The following NCALD variants were observed in gnomAD, a reference collection of about 807,000 sequenced individuals.
NCALD encodes the protein neurocalcin-delta.
Under a neutral mutation model 18.6 loss-of-function variants are expected in NCALD, and 10 were observed. The ratio of observed to expected loss-of-function variants is 0.54; its 90% CI spans 0.33 to 0.91. The LOEUF (loss-of-function observed/expected upper bound fraction) is 0.91, where lower values mean the gene tolerates loss of function less well. NCALD is among the 40% of genes least tolerant of loss of function. The probability of loss-of-function intolerance (pLI) is 0.03; values close to 1 mark genes in which losing one functional copy is unlikely to be tolerated. For missense variants in NCALD, 184 were observed against 247.6 expected (o/e 0.74, Z 1.72); for synonymous variants, 88 against 87.4 (o/e 1.01, Z -0.04).
At chr8:101,868,376 G>A (rs769726428) in intron 4 of NCALD, among the ~76,000 whole-genome samples, 4 of 152,188 alleles carry the variant, frequency 2.6e-5, no homozygotes, top group Non-Finnish European at 5.9e-5. Flanking sequence ...CTGAGCTGAA[G>A]CAGGAGAATA....
intron 1 of NCALD, among the ~76,000 whole-genome samples, chr8:102,109,151 G>A (rs946136146): frequency 6.6e-6 from 1 of 152,048 alleles, no homozygotes; most frequent in Non-Finnish European, 1.5e-5. Flanking sequence ...TATTCTCAGT[G>A]TAACTACCTA....
At position 102,059,537 on chromosome 8, in the gene NCALD, A is replaced by C. The variant is rs369514851; in HGVS notation, c.-209-39248T>G. On this transcript the variant is annotated intron_variant, in intron 1 of 6. Transcript: ENST00000311028. ...CTGAAAGACGTCAAGGCAAACATGA[A>C]CAAAATCAGGCTATAAACATGTAAA... Among the ~76,000 whole-genome samples the C allele has an allele frequency of 3.9e-4, 60 of 152,370 alleles. 2 individuals carry two copies. The South Asian group carries it at 0.011, about 29-fold the overall frequency.
At chr8:102,076,065 T>C (rs781314423) in intron 1 of NCALD, among the ~76,000 whole-genome samples, 5 of 152,094 alleles carry the variant, frequency 3.3e-5, no homozygotes, top group Non-Finnish European at 7.4e-5. Flanking sequence ...AAAACTATTA[T>C]GAAATATTAT....
intron 4 of NCALD, among the ~76,000 whole-genome samples, chr8:101,808,160 AGTG>A (rs1006556005): frequency 2.0e-5 from 3 of 152,196 alleles, no homozygotes; most frequent in Non-Finnish European, 2.9e-5. Context: ...AAGATACCTT[AGTG>A]GTCACCCAGT....
chr8:101,819,059 C>G (rs1813613005), intron 4 of NCALD, among the ~76,000 whole-genome samples: 1 of 152,010 alleles, frequency 6.6e-6, no homozygotes, highest in Admixed American at 6.6e-5. Flanking sequence ...TTTCTTCCTT[C>G]AAGTTTCTTC....
rs71268530 is a variant in NCALD, at chr8:101,801,643, C to CTTTT, written c.-19-81999_-19-81996dup. 5.6e-3 allele frequency among the ~76,000 whole-genome samples: 246 copies of CTTTT among 44,156 alleles called. 80 individuals are homozygous for CTTTT. Among genetic ancestry groups the CTTTT allele is most frequent in the East Asian group, 0.012 (13 of 1,084 alleles). The allele number at this position is 44,156 out of a possible 152,430, so 29.0% of individuals were successfully genotyped here. ...TCTCTATGATTTACAAGCACACTTA[C>CTTTT]TTTTTTTTTTTTTTTTTTTTTTTTT... On this transcript the variant is annotated intron_variant, in intron 4 of 6. Transcript: ENST00000311028.
intron 1 of NCALD, among the ~76,000 whole-genome samples, chr8:102,059,717 TTAGG>T (rs1204307914): frequency 1.3e-5 from 2 of 152,186 alleles, no homozygotes; most frequent in Non-Finnish European, 2.9e-5. Flanking sequence ...TTGTTAACTA[TTAGG>T]TAGGAGGGGA....
chr8:102,026,322 C>T (rs919028308), intron 1 of NCALD, among the ~76,000 whole-genome samples: 5 of 152,110 alleles, frequency 3.3e-5, no homozygotes, highest in African/African-American at 1.2e-4. Context: ...CACCTATGAG[C>T]CTGTAAAATC....
intron 4 of NCALD, among the ~76,000 whole-genome samples, chr8:101,830,772 G>T (rs143733595): frequency 0.011 from 1,619 of 148,890 alleles, 16 homozygotes; most frequent in Middle Eastern, 0.038. Context: ...ACGGAGTCTG[G>T]CTCTGTCTCC....
At chr8:101,899,412 A>T (rs1425325868) in intron 3 of NCALD, among the ~76,000 whole-genome samples, 2 of 152,000 alleles carry the variant, frequency 1.3e-5, no homozygotes, top group Admixed American at 6.6e-5. Context: ...TTGCATGTCA[A>T]ACTTTCAGTA....
intron 4 of NCALD, among the ~76,000 whole-genome samples, chr8:101,838,313 C>A (rs1476901945): frequency 6.6e-6 from 1 of 152,158 alleles, no homozygotes; most frequent in Admixed American, 6.5e-5. Context: ...CCTCCACCTC[C>A]CAGGTTCAAG....
intron 1 of NCALD, among the ~76,000 whole-genome samples, chr8:101,742,458 G>C (rs1810245962): frequency 6.6e-6 from 1 of 152,106 alleles, no homozygotes; most frequent in South Asian, 2.1e-4. Flanking sequence ...TTTAAGAATA[G>C]CTTTTTCCAT....
intron 1 of NCALD, among the ~76,000 whole-genome samples, chr8:101,778,164 T>C (rs1441330587): frequency 6.6e-6 from 1 of 152,236 alleles, no homozygotes; most frequent in Admixed American, 6.5e-5. Flanking sequence ...GCCTGTCTGC[T>C]TCCCACTGTC....
At chr8:101,957,107 G>A (rs750760197) in intron 2 of NCALD, among the ~76,000 whole-genome samples, 7 of 152,044 alleles carry the variant, frequency 4.6e-5, no homozygotes, top group Non-Finnish European at 1.0e-4. Context: ...GCTTTGTTGA[G>A]AGGGATCTAG....
At chr8:101,716,900 G>A (rs988648444) in intron 2 of NCALD, among the ~76,000 whole-genome samples, 4 of 152,200 alleles carry the variant, frequency 2.6e-5, no homozygotes, top group Non-Finnish European at 4.4e-5. Context: ...GAAGATGGAT[G>A]AAGAGGGCCA....
At chr8:102,071,039 G>A (rs1445651303) in intron 1 of NCALD, among the ~76,000 whole-genome samples, 1 of 152,106 alleles carries the variant, frequency 6.6e-6, no homozygotes, top group Non-Finnish European at 1.5e-5. Context: ...GGGGAATTGG[G>A]ACCAAAGGCA....
At chr8:101,965,457 C>A (rs1024963166) in intron 2 of NCALD, among the ~76,000 whole-genome samples, 6 of 152,176 alleles carry the variant, frequency 3.9e-5, no homozygotes, top group African/African-American at 1.4e-4. Flanking sequence ...AATTCATGTA[C>A]TTTGCAGGGA....
Position 101,719,474 on chromosome 8 carries a change from A to G in NCALD, c.156T>C (p.Tyr52=), listed in dbSNP as rs762076857. 20 of 1,614,218 alleles carry G rather than the reference A, an allele frequency of 1.2e-5. No homozygotes were observed. The highest frequency in any genetic ancestry group is 1.5e-5 in the Non-Finnish European group (18 of 1,180,022). The part of the protein sequence containing the change: ...HLSMEEFKKI[Y]GNFFPYGDAS... Reference sequence around the variant, plus strand: ...CATCCCCATAAGGGAAAAAGTTCCCATATATTTTCTTAAACTCTTCCATTG... The same window carrying G: ...CATCCCCATAAGGGAAAAAGTTCCCGTATATTTTCTTAAACTCTTCCATTG... Residue 52 remains tyrosine, a synonymous_variant, in exon 2 of 4, where the codon TAT becomes TAC. Coordinates refer to ENST00000220931, the MANE Select transcript of NCALD (RefSeq NM_032041.3).
rs575771440 is a variant in NCALD, at chr8:101,711,637, T to A, written c.378+7615A>T. Among the ~76,000 whole-genome samples, 62 of 151,626 alleles carry A rather than the reference T, an allele frequency of 4.1e-4. 1 individual carries two copies. In the East Asian group the frequency reaches 0.011, roughly 27 times the overall value. On this transcript the variant is annotated intron_variant, in intron 2 of 3. Coordinates refer to ENST00000220931, the MANE Select transcript of NCALD (RefSeq NM_032041.3). ...TTTGTGAAGCATACACAAGTATCAATACCCAAATCGATCAAGCAGAAGAAA... is the reference window on the plus strand; with the variant it reads ...TTTGTGAAGCATACACAAGTATCAAAACCCAAATCGATCAAGCAGAAGAAA...
Sources: gnomAD v4.1 joint callset for allele counts (sites outside exome capture counted in the v4.1 genomes callset) on GRCh38, gnomAD v4.1.1 for gene constraint, MANE v1.5 for transcripts, NCBI Gene and HGNC (gene_info 2026-07-23, HGNC 2026-07-21) for gene names.